Variants in CUX1 observed in about 807,000 individuals in gnomAD.
The protein encoded by CUX1 is cut like homeobox 1.
In CUX1, 31 loss-of-function variants were observed where a neutral mutation model predicts 158.8. The observed-to-expected ratio is 0.20, with a 90% CI of 0.15 to 0.26. CUX1 has a LOEUF of 0.26. Among genes scored for constraint, CUX1 ranks in the 10% least tolerant of loss-of-function variants. The probability of loss-of-function intolerance (pLI) is 1.00; values close to 1 mark genes in which losing one functional copy is unlikely to be tolerated. For synonymous variants in CUX1, 879 were observed against 862.1 expected (o/e 1.02, Z -0.34); for missense variants, 1,589 against 2,014.6 (o/e 0.79, Z 4.04).
chr7:102,195,406 G>A, intron 13 of CUX1, 101 bp from the exon 14 acceptor site: 1 of 886,800 alleles, frequency 1.1e-6, no homozygotes, highest in Non-Finnish European at 1.7e-6. Flanking sequence ...AGCTGGGTGG[G>A]AACGCGGACA....
At chr7:101,899,180 T>C (rs1207153736) in intron 1 of CUX1, among the ~76,000 whole-genome samples, 2 of 152,206 alleles carry the variant, frequency 1.3e-5, no homozygotes, top group South Asian at 2.1e-4. Flanking sequence ...TGGGTCCTTA[T>C]AGATCCCACA....
At chr7:102,146,677 A>G (rs1351050580) in intron 8 of CUX1, among the ~76,000 whole-genome samples, 1 of 151,708 alleles carries the variant, frequency 6.6e-6, no homozygotes, top group East Asian at 1.9e-4. Context: ...GGCTCACTGT[A>G]ACTTCCACCT....
chr7:102,091,096 A>G (rs781921731), intron 4 of CUX1, among the ~76,000 whole-genome samples: 11 of 152,044 alleles, frequency 7.2e-5, no homozygotes, highest in Non-Finnish European at 1.5e-4. Context: ...CCATCAGTAT[A>G]TAGATGATGG....
At chr7:102,102,647 G>A (rs1829905032) in intron 5 of CUX1, among the ~76,000 whole-genome samples, 1 of 152,112 alleles carries the variant, frequency 6.6e-6, no homozygotes, top group Non-Finnish European at 1.5e-5. Context: ...CCCGGCCTCG[G>A]CTCCTTCAGT....
chr7:102,071,078 C>A (rs1826079184), intron 4 of CUX1, among the ~76,000 whole-genome samples: 1 of 152,154 alleles, frequency 6.6e-6, no homozygotes, highest in Admixed American at 6.5e-5. Flanking sequence ...ACCTCAACCT[C>A]CCAAGTGGCT....
chr7:102,100,041 A>G (rs1554485877), intron 5 of CUX1, among the ~76,000 whole-genome samples: 2 of 152,158 alleles, frequency 1.3e-5, no homozygotes, highest in Non-Finnish European at 2.9e-5. Context: ...GCACTTAAGG[A>G]GGCCAAGGTG....
intron 1 of CUX1, among the ~76,000 whole-genome samples, chr7:101,897,620 A>G (rs1396671484): frequency 2.6e-5 from 4 of 152,204 alleles, no homozygotes; most frequent in Non-Finnish European, 5.9e-5. Context: ...CTGCTGATGT[A>G]AGTATCACAG....
intron 4 of CUX1, among the ~76,000 whole-genome samples, chr7:102,095,297 C>T (rs1829063728): frequency 6.6e-6 from 1 of 152,128 alleles, no homozygotes. Context: ...AGGCATGAGC[C>T]ACTGCAGCCG....
At chr7:101,863,720 C>T (rs1198004052) in intron 1 of CUX1, among the ~76,000 whole-genome samples, 1 of 152,188 alleles carries the variant, frequency 6.6e-6, no homozygotes, top group Non-Finnish European at 1.5e-5. Context: ...TTCTTCCCCA[C>T]CATGCCCTGG....
At chr7:102,077,528 T>A (rs370472075) in intron 4 of CUX1, among the ~76,000 whole-genome samples, 16 of 113,940 alleles carry the variant, frequency 1.4e-4, no homozygotes, top group Admixed American at 1.1e-3. Flanking sequence ...CCCATCTCTT[T>A]AAAAAAAAAA....
chr7:102,120,340 G>A (rs1554493062), intron 8 of CUX1, among the ~76,000 whole-genome samples: 1 of 152,190 alleles, frequency 6.6e-6, no homozygotes, highest in South Asian at 2.1e-4. Flanking sequence ...CTCCCCACTC[G>A]TGGGCCGAGG....
chr7:101,910,709 C>T (rs1359929998), intron 1 of CUX1, among the ~76,000 whole-genome samples: 8 of 150,306 alleles, frequency 5.3e-5, no homozygotes, highest in Non-Finnish European at 8.8e-5. Flanking sequence ...ATCACACCAG[C>T]GCACCCCAGC....
chr7:102,001,355 A>G (rs978816376), intron 2 of CUX1, among the ~76,000 whole-genome samples: 3 of 148,206 alleles, frequency 2.0e-5, no homozygotes, highest in Non-Finnish European at 3.0e-5. Context: ...TTGTTTGTTT[A>G]TTTTCTGAGA....
chr7:101,891,053 C>T lies in CUX1; in HGVS notation c.31-25062C>T, dbSNP rs534295938. On this transcript the variant is annotated intron_variant, in intron 1 of 23. Transcript: ENST00000292535. Reference sequence around the variant, plus strand: ...TCACATTTTGAATACTTCTCTATGGCAGTATCTTTTAGAGTTATTATGGAC... The same window carrying T: ...TCACATTTTGAATACTTCTCTATGGTAGTATCTTTTAGAGTTATTATGGAC... Among the ~76,000 whole-genome samples the T allele has an allele frequency of 2.6e-5, 4 of 152,160 alleles. No homozygotes were observed. In the South Asian group the frequency reaches 6.2e-4, roughly 24 times the overall value.
At chr7:101,971,547 A>G (rs1264172234) in intron 2 of CUX1, among the ~76,000 whole-genome samples, 1 of 152,194 alleles carries the variant, frequency 6.6e-6, no homozygotes, top group African/African-American at 2.4e-5. Flanking sequence ...TTAGACAACT[A>G]TCCAAAGTTC....
rs1554541443 is a variant in CUX1, at chr7:102,254,713, A to G, written c.*5671A>G. 2.0e-6 allele frequency: 2 copies of G among 985,492 alleles called. No individual in the cohort carries two copies. The highest frequency in any genetic ancestry group is 2.4e-6 in the Non-Finnish European group (2 of 829,964). 61.0% of individuals were successfully genotyped at this position (985,492 alleles called of 1,614,324 possible). A position where few individuals can be genotyped will look rare whatever the true frequency, so the allele number is the denominator to read the frequency against. On this transcript the variant is annotated 3_prime_UTR_variant, in exon 24 of 24. Coordinates refer to ENST00000292535, the MANE Select transcript of CUX1 (RefSeq NM_181552.4). The stretch of plus-strand genomic sequence containing the variant: ...ACCTGGGCATCGACGACATTAGGGA[A>G]GCCTTTGTGACCACAAGGGCAGGGC...
intron 7 of CUX1, among the ~76,000 whole-genome samples, chr7:102,113,141 CAT>C (rs1831102269): frequency 6.6e-6 from 1 of 152,154 alleles, no homozygotes. Context: ...GGAAACTACA[CAT>C]ATGAAAAAAT....
intron 8 of CUX1, among the ~76,000 whole-genome samples, chr7:102,125,134 C>T (rs182696103): frequency 6.6e-6 from 1 of 152,226 alleles, no homozygotes; most frequent in Admixed American, 6.5e-5. Context: ...CTTTATCCCA[C>T]ACTCTGTACA....
chr7:101,922,117 CA>C (rs904203230), intron 2 of CUX1, among the ~76,000 whole-genome samples: 3,360 of 143,060 alleles, frequency 0.023, 119 homozygotes, highest in African/African-American at 0.075. Context: ...GATCCTGTCT[CA>C]AAAAAAAAAA....
Sources: gnomAD v4.1 joint callset for allele counts (sites outside exome capture counted in the v4.1 genomes callset) on GRCh38, gnomAD v4.1.1 for gene constraint, MANE v1.5 for transcripts, NCBI Gene and HGNC (gene_info 2026-07-23, HGNC 2026-07-21) for gene names.